The following ADHFE1 variants were observed in gnomAD, a reference collection of about 807,000 sequenced individuals.
ADHFE1 encodes hydroxyacid-oxoacid transhydrogenase, mitochondrial.
A neutral mutation model predicts 54.8 loss-of-function variants in ADHFE1; 37 were observed. The observed-to-expected ratio is 0.68, with a 90% CI of 0.52 to 0.89. The LOEUF (loss-of-function observed/expected upper bound fraction) is 0.89. Among genes scored for constraint, ADHFE1 ranks in the 40% least tolerant of loss-of-function variants. The probability of loss-of-function intolerance (pLI) is 0.00; values close to 1 mark genes in which losing one functional copy is unlikely to be tolerated. For missense variants in ADHFE1, 601 were observed against 591.2 expected (o/e 1.02, Z -0.17); for synonymous variants, 203 against 229.3 (o/e 0.89, Z 1.04).
In ADHFE1 at chr8:66,457,619, G is replaced by A. The variant is rs553934754; in HGVS notation, c.1162+453G>A. On this transcript the variant is annotated intron_variant, in intron 12 of 13. Transcript: ENST00000396623. ...GTGGGAGGATAGCTTAAGCTCAGACGTTTGAGACCAGCCTGGGCAACATAG... is the reference window on the plus strand; with the variant it reads ...GTGGGAGGATAGCTTAAGCTCAGACATTTGAGACCAGCCTGGGCAACATAG... Among the ~76,000 whole-genome samples, 4 of 152,162 alleles carry A rather than the reference G, an allele frequency of 2.6e-5. No individual in the cohort carries two copies. In the East Asian group the frequency reaches 5.8e-4, roughly 22 times the overall value.
chr8:66,448,508 T>C (rs1806144803), intron 7 of ADHFE1, among the ~76,000 whole-genome samples: 1 of 152,200 alleles, frequency 6.6e-6, no homozygotes, highest in Admixed American at 6.5e-5. Context: ...AGTGGTGTGC[T>C]AGTAAACTGG....
rs778208861 is a variant in ADHFE1, at chr8:66,440,205, A to G, written c.97+6A>G. ...TTCTCATACTTACTCCCAAGGTAAT[A>G]CTTCTGTATTTTTAAACTAGCCACA... On this transcript the variant is annotated splice_donor_region_variant and intron_variant, in intron 2 of 13. Coordinates refer to ENST00000396623, the MANE Select transcript of ADHFE1 (RefSeq NM_144650.3). 1.9e-6 allele frequency: 3 copies of G among 1,610,560 alleles called. No homozygotes were observed. Among genetic ancestry groups the G allele is most frequent in the Non-Finnish European group, 2.5e-6 (3 of 1,179,040 alleles).
intron 11 of ADHFE1, 83 bp from the exon 12 acceptor site, chr8:66,456,987 G>A: frequency 1.3e-6 from 2 of 1,504,696 alleles, no homozygotes; most frequent in South Asian, 2.6e-5. Context: ...CTTAGAGTAT[G>A]GGGTAAAGTA....
chr8:66,436,722 G>A (rs1027500538), intron 1 of ADHFE1, among the ~76,000 whole-genome samples: 1 of 152,188 alleles, frequency 6.6e-6, no homozygotes, highest in Non-Finnish European at 1.5e-5. Flanking sequence ...GAGACCATGA[G>A]ACCAGGGGAG....
Position 66,467,468 on chromosome 8 carries a change from C to T in ADHFE1, c.1321-801C>T, listed in dbSNP as rs139520074. Among the ~76,000 whole-genome samples the T allele has an allele frequency of 1.4e-3, 210 of 152,152 alleles. 2 individuals carry two copies. Among genetic ancestry groups the T allele is most frequent in the African/African-American group, 4.7e-3 (196 of 41,494 alleles). On this transcript the variant is annotated intron_variant, in intron 13 of 13. Coordinates refer to ENST00000396623, the MANE Select transcript of ADHFE1 (RefSeq NM_144650.3). Reference sequence around the variant, plus strand: ...TTACTATGTAAAGCCCTCTGGTAGGCGCAGGGCAGAGAGCAGTGCACACAG... The same window carrying T: ...TTACTATGTAAAGCCCTCTGGTAGGTGCAGGGCAGAGAGCAGTGCACACAG...
At position 66,445,371 on chromosome 8, in the gene ADHFE1, C is replaced by T. The variant is rs1454843901; in HGVS notation, c.507C>T (p.Gly169=). 1.9e-6 allele frequency: 3 copies of T among 1,613,876 alleles called. No homozygotes were observed. Among genetic ancestry groups the T allele is most frequent in the Admixed American group, 1.7e-5 (1 of 59,972 alleles). The part of the protein sequence containing the change: ...DFLDYVSAPI[G]KGKPVSVPLK... The stretch of plus-strand genomic sequence containing the variant: ...TAGATTATGTCAGTGCCCCCATTGG[C>T]AAGGGAAAGCCTGTGTCTGTGCCTC... Residue 169 remains glycine (G), a synonymous_variant, in exon 6 of 14, where the codon GGC becomes GGT. Transcript: ENST00000396623.
At chr8:66,445,048 C>T (rs1356534705) in intron 5 of ADHFE1, among the ~76,000 whole-genome samples, 170 bp from the exon 6 acceptor site, 3 of 151,798 alleles carry the variant, frequency 2.0e-5, no homozygotes, top group African/African-American at 7.3e-5. Context: ...TTGCAGTGAG[C>T]GGAGATCGTG....
chr8:66,445,548 T>G lies in ADHFE1; in HGVS notation c.550+134T>G, dbSNP rs550394640. 648 of 835,482 alleles carry G rather than the reference T, an allele frequency of 7.8e-4. 4 individuals carry two copies. The highest frequency in any genetic ancestry group is 1.5e-3 in the Middle Eastern group (4 of 2,628). The allele number at this position is 835,482 out of a possible 1,614,324, so 51.8% of individuals were successfully genotyped here. ...TGTTCATTTCAAATCAATGCCTTGT[T>G]TGGAGAACAATCATTCATTTTAAAA... On this transcript the variant is annotated intron_variant, in intron 6 of 13. Coordinates refer to ENST00000396623, the MANE Select transcript of ADHFE1 (RefSeq NM_144650.3).
In ADHFE1 at chr8:66,468,408, C is replaced by G; in HGVS notation, c.*56C>G. Reference sequence around the variant, plus strand: ...GCCATTGTAGTGCTGAGAGCAAGAGCTGATCTAGCTAGGGCTTTGTCTTTT... The same window carrying G: ...GCCATTGTAGTGCTGAGAGCAAGAGGTGATCTAGCTAGGGCTTTGTCTTTT... On this transcript the variant is annotated 3_prime_UTR_variant, in exon 14 of 14. Coordinates refer to ENST00000396623, the MANE Select transcript of ADHFE1 (RefSeq NM_144650.3). The G allele has an allele frequency of 7.0e-7, 1 of 1,431,686 alleles. No individual in the cohort carries two copies. Among genetic ancestry groups the G allele is most frequent in the Non-Finnish European group, 9.7e-7 (1 of 1,033,500 alleles). 88.7% of individuals were successfully genotyped at this position (1,431,686 alleles called of 1,614,324 possible).
In ADHFE1 at chr8:66,468,121, A is replaced by C. The variant is rs73255651; in HGVS notation, c.1321-148A>C. 5.8e-5 allele frequency: 32 copies of C among 554,728 alleles called. No individual in the cohort carries two copies. In the African/African-American group the frequency reaches 6.2e-4, roughly 11 times the overall value. 34.4% of individuals were successfully genotyped at this position (554,728 alleles called of 1,614,324 possible). ...AAACCTCTGAGATGGGGATCAACTC[A>C]TATGAAGTATACAAGAAATACCGTT... On this transcript the variant is annotated intron_variant, in intron 13 of 13. Transcript: ENST00000396623.
At chr8:66,449,074 A>T in intron 8 of ADHFE1, 104 bp downstream of exon 8, 1 of 1,002,202 alleles carries the variant, frequency 1.0e-6, no homozygotes. Context: ...AGCACCCCAC[A>T]ACATCCCTAG....
Position 66,440,203 on chromosome 8 carries a change from A to C in ADHFE1, c.97+4A>C, listed in dbSNP as rs1352819539. 6.2e-7 allele frequency: 1 copy of C among 1,610,702 alleles called. No homozygotes were observed. Among genetic ancestry groups the C allele is most frequent in the Non-Finnish European group, 8.5e-7 (1 of 1,179,088 alleles). ...CATTCTCATACTTACTCCCAAGGTA[A>C]TACTTCTGTATTTTTAAACTAGCCA... On this transcript the variant is annotated splice_donor_region_variant and intron_variant, in intron 2 of 13. Coordinates refer to ENST00000396623, the MANE Select transcript of ADHFE1 (RefSeq NM_144650.3).
chr8:66,456,860 A>G lies in ADHFE1; in HGVS notation c.1030A>G (p.Lys344Glu). The change falls in exon 11 of 14, where the codon AAA (lysine) becomes GAA (glutamate). Residue 344 changes from lysine (K) to glutamate (E), a missense_variant. Coordinates refer to ENST00000396623, the MANE Select transcript of ADHFE1 (RefSeq NM_144650.3). ...AATTTCAGGTTTAGTGAAGATGTAT[A>G]AAGCAAAGGATTACAATGTGGATCA... ...YPISGLVKMY[K>E]AKDYNVDHPL... 6.3e-7 allele frequency: 1 copy of G among 1,598,186 alleles called. No homozygotes were observed. The highest frequency in any genetic ancestry group is 8.5e-7 in the Non-Finnish European group (1 of 1,174,082).
intron 9 of ADHFE1, chr8:66,453,728 C>CA (rs1563492272): frequency 7.3e-7 from 1 of 1,375,534 alleles, no homozygotes; most frequent in South Asian, 1.1e-5. Flanking sequence ...ACAGCACTGA[C>CA]AAATGAAGAA....
At position 66,456,856 on chromosome 8, in the gene ADHFE1, G is replaced by A. The variant is rs750433354; in HGVS notation, c.1026G>A (p.Met342Ile). 2 of 1,603,784 alleles carry A rather than the reference G, an allele frequency of 1.2e-6. No homozygotes were observed. Among genetic ancestry groups the A allele is most frequent in the Non-Finnish European group, 1.7e-6 (2 of 1,176,186 alleles). Residue 342 changes from methionine (M) to isoleucine (I), a missense_variant, in exon 11 of 14, where the codon ATG becomes ATA. Met to Ile is a conservative substitution (Grantham distance 10). Coordinates refer to ENST00000396623, the MANE Select transcript of ADHFE1 (RefSeq NM_144650.3). ...ACCCAATTTCAGGTTTAGTGAAGAT[G>A]TATAAAGCAAAGGATTACAATGTGG... ...MSYPISGLVK[M>I]YKAKDYNVDH...
chr8:66,447,394 C>T, intron 7 of ADHFE1, 53 bp downstream of exon 7: 1 of 1,336,386 alleles, frequency 7.5e-7, no homozygotes, highest in Non-Finnish European at 1.1e-6. Context: ...CCACACTCTT[C>T]TTTAAATCCT....
intron 8 of ADHFE1, among the ~76,000 whole-genome samples, chr8:66,449,224 G>A (rs375484449): frequency 4.5e-4 from 69 of 152,258 alleles, no homozygotes; most frequent in African/African-American, 1.5e-3. Context: ...TAGGGATGCC[G>A]CTAAAGGGGC....
chr8:66,454,310 T>C (rs965871466), intron 10 of ADHFE1, among the ~76,000 whole-genome samples, 153 bp downstream of exon 10: 66 of 152,244 alleles, frequency 4.3e-4, no homozygotes, highest in African/African-American at 1.6e-3. Flanking sequence ...TTTTTCTTTT[T>C]TTCCTTTTTT....
At chr8:66,445,447 T>G in intron 6 of ADHFE1, 33 bp downstream of exon 6, 3 of 1,567,292 alleles carry the variant, frequency 1.9e-6, no homozygotes, top group Non-Finnish European at 2.6e-6. Context: ...TTTGTTTTAT[T>G]TTGCAATGAG....
Sources: gnomAD v4.1 joint callset for allele counts (sites outside exome capture counted in the v4.1 genomes callset) on GRCh38, gnomAD v4.1.1 for gene constraint, MANE v1.5 for transcripts, NCBI Gene and HGNC (gene_info 2026-07-23, HGNC 2026-07-21) for gene names.